TRABD2B: variants seen among roughly 807,000 people sequenced by gnomAD.
The protein encoded by TRABD2B is metalloprotease TIKI2.
Under a neutral mutation model 40.1 loss-of-function variants are expected in TRABD2B, and 14 were observed. The observed-to-expected ratio is 0.35, with a 90% CI of 0.23 to 0.55. The LOEUF is 0.55. Among genes scored for constraint, TRABD2B ranks in the 20% least tolerant of loss-of-function variants. TRABD2B has a pLI of 0.90. For synonymous variants in TRABD2B, 263 were observed against 277.0 expected, an observed-to-expected ratio of 0.95 and a Z score of 0.50; for missense variants, 541 against 648.6, an observed-to-expected ratio of 0.83 and a Z score of 1.80.
chr1:47,787,255 C>T (rs973265210), intron 4 of TRABD2B, among the ~76,000 whole-genome samples: 4 of 152,150 alleles, frequency 2.6e-5, no homozygotes, highest in African/African-American at 9.7e-5. Flanking sequence ...ACTTACCCTG[C>T]CTCCTTTCAG....
intron 2 of TRABD2B, among the ~76,000 whole-genome samples, chr1:47,898,363 T>G (rs1232851334): frequency 1.3e-5 from 2 of 152,182 alleles, no homozygotes; most frequent in Non-Finnish European, 2.9e-5. Context: ...ATGCTAATGA[T>G]GTGTGATTAG....
rs370462654 is a variant in TRABD2B at position 47,897,196 on chromosome 1, A to C, written c.667-95577T>G. The stretch of plus-strand genomic sequence containing the variant: ...TCATTGAGAAGGTGACATTTGAATA[A>C]AGACACATAAGAGATGAGGGACAGC... On this transcript the variant is annotated intron_variant, in intron 2 of 6. Coordinates refer to ENST00000606738, the MANE Select transcript of TRABD2B (RefSeq NM_001194986.2). Among the ~76,000 whole-genome samples the C allele has an allele frequency of 1.6e-4, 24 of 152,322 alleles. No homozygotes were observed. In the East Asian group the frequency reaches 1.9e-3, roughly 12 times the overall value.
chr1:47,838,580 G>A (rs1375969170), intron 2 of TRABD2B, among the ~76,000 whole-genome samples: 1 of 152,188 alleles, frequency 6.6e-6, no homozygotes, highest in Non-Finnish European at 1.5e-5. Context: ...AGTCCCTAGG[G>A]TCAGTTACTG....
At chr1:47,808,865 C>G (rs1644925720) in intron 2 of TRABD2B, among the ~76,000 whole-genome samples, 1 of 152,148 alleles carries the variant, frequency 6.6e-6, no homozygotes, top group African/African-American at 2.4e-5. Context: ...AGGGGCCAGT[C>G]TTTGAGGCCC....
chr1:47,821,962 C>A (rs2124411961), intron 2 of TRABD2B, among the ~76,000 whole-genome samples: 1 of 152,252 alleles, frequency 6.6e-6, no homozygotes, highest in African/African-American at 2.4e-5. Flanking sequence ...AACTGCCTAC[C>A]CCTGGAGCAC....
intron 2 of TRABD2B, among the ~76,000 whole-genome samples, chr1:47,987,836 G>A (rs1213249484): frequency 6.6e-6 from 1 of 151,486 alleles, no homozygotes; most frequent in Non-Finnish European, 1.5e-5. Context: ...GCAGACTGCC[G>A]AAGCACAAGG....
intron 2 of TRABD2B, among the ~76,000 whole-genome samples, chr1:47,960,265 A>G (rs1270324615): frequency 3.3e-5 from 5 of 152,224 alleles, no homozygotes; most frequent in Non-Finnish European, 7.3e-5. Context: ...ATCATACTGA[A>G]TGGGCAAAAA....
At chr1:47,850,866 A>G (rs1233559639) in intron 2 of TRABD2B, among the ~76,000 whole-genome samples, 2 of 152,188 alleles carry the variant, frequency 1.3e-5, no homozygotes, top group African/African-American at 4.8e-5. Flanking sequence ...GAGATGGTTT[A>G]GGGATTAAAT....
At chr1:47,854,613 A>T (rs930158533) in intron 2 of TRABD2B, among the ~76,000 whole-genome samples, 1 of 152,172 alleles carries the variant, frequency 6.6e-6, no homozygotes, top group Non-Finnish European at 1.5e-5. Flanking sequence ...AGTAATAATG[A>T]CACTAACGAA....
intron 2 of TRABD2B, among the ~76,000 whole-genome samples, chr1:47,896,962 T>C (rs867847813): frequency 2.0e-5 from 3 of 152,228 alleles, no homozygotes; most frequent in African/African-American, 7.2e-5. Flanking sequence ...GTTCTCAGTA[T>C]GTGGGATATT....
chr1:47,897,664 CTCAA>C (rs1329695202), intron 2 of TRABD2B, among the ~76,000 whole-genome samples: 2 of 152,184 alleles, frequency 1.3e-5, no homozygotes, highest in East Asian at 1.9e-4. Flanking sequence ...CTTATCACAG[CTCAA>C]TCAGTTTCCT....
chr1:47,993,699 C>A (rs2148465031), intron 2 of TRABD2B, among the ~76,000 whole-genome samples: 1 of 152,308 alleles, frequency 6.6e-6, no homozygotes, highest in African/African-American at 2.4e-5. Context: ...AACCGGAAGC[C>A]CCCTCTTTTT....
rs1329414870 is a variant in TRABD2B, at chr1:47,827,146, C to T, written c.667-25527G>A. ...CCAGGGATGCCACCCAGACTCTTTA[C>T]TCCCTGTAATGCCATCTATCCCAGC... On this transcript the variant is annotated intron_variant, in intron 2 of 6. Transcript: ENST00000606738. 8.5e-5 allele frequency among the ~76,000 whole-genome samples: 13 copies of T among 152,350 alleles called. No homozygotes were observed. The East Asian group carries it at 2.5e-3, about 29-fold the overall frequency.
intron 2 of TRABD2B, among the ~76,000 whole-genome samples, chr1:47,853,876 T>C (rs1192073817): frequency 1.3e-5 from 2 of 152,208 alleles, no homozygotes; most frequent in Non-Finnish European, 2.9e-5. Context: ...AGAGTGGACT[T>C]TCTAAACCAC....
At chr1:47,933,822 T>G (rs986061767) in intron 2 of TRABD2B, among the ~76,000 whole-genome samples, 10 of 152,246 alleles carry the variant, frequency 6.6e-5, no homozygotes, top group Non-Finnish European at 2.9e-5. Context: ...TAGACAGCAC[T>G]GTCCAACAGA....
intron 4 of TRABD2B, among the ~76,000 whole-genome samples, chr1:47,783,583 C>T (rs561099246): frequency 6.6e-6 from 1 of 152,210 alleles, no homozygotes; most frequent in Non-Finnish European, 1.5e-5. Flanking sequence ...TGGGATGGTG[C>T]CTGCCTACCT....
At chr1:47,989,215 T>C (rs1218988902) in intron 2 of TRABD2B, among the ~76,000 whole-genome samples, 1 of 152,230 alleles carries the variant, frequency 6.6e-6, no homozygotes, top group African/African-American at 2.4e-5. Context: ...CTGTAAGGTA[T>C]TTTGCTGTAG....
intron 4 of TRABD2B, 57 bp from the exon 5 acceptor site, chr1:47,778,601 G>A: frequency 7.7e-7 from 1 of 1,303,888 alleles, no homozygotes; most frequent in Non-Finnish European, 1.1e-6. Context: ...GGCCACAGGG[G>A]ACTGCCCCAG....
At chr1:47,856,437 A>G (rs939971734) in intron 2 of TRABD2B, among the ~76,000 whole-genome samples, 1 of 152,248 alleles carries the variant, frequency 6.6e-6, no homozygotes, top group African/African-American at 2.4e-5. Context: ...GGGTGGATGA[A>G]TGCAGTTAGT....
Sources: gnomAD v4.1 joint callset for allele counts (sites outside exome capture counted in the v4.1 genomes callset) on GRCh38, gnomAD v4.1.1 for gene constraint, MANE v1.5 for transcripts, NCBI Gene and HGNC (gene_info 2026-07-23, HGNC 2026-07-21) for gene names.